The following CSMD1 variants were observed in gnomAD, a reference collection of about 807,000 sequenced individuals.
CSMD1 encodes the protein CUB and Sushi multiple domains 1, also known as CUB and sushi domain-containing protein 1.
In CSMD1, 213 loss-of-function variants were observed where a neutral mutation model predicts 417.5. The observed-to-expected ratio is 0.51, with a 90% CI of 0.46 to 0.57. The LOEUF (loss-of-function observed/expected upper bound fraction) is 0.57. Ranked by LOEUF, CSMD1 falls within the 20% of genes least tolerant of loss-of-function variation. The pLI is 0.00. For synonymous variants in CSMD1, 2,862 were observed against 1,736.8 expected (o/e 1.65, Z -16.11); for missense variants, 6,923 against 4,529.7 (o/e 1.53, Z -15.17).
chr8:3,514,565 G>T (rs189437835), intron 10 of CSMD1, among the ~76,000 whole-genome samples: 2 of 152,208 alleles, frequency 1.3e-5, no homozygotes, highest in East Asian at 3.9e-4. Flanking sequence ...TATAGTTGGG[G>T]GAATATTCCT....
chr8:4,194,319 G>T (rs968451144), intron 3 of CSMD1, among the ~76,000 whole-genome samples: 2 of 152,114 alleles, frequency 1.3e-5, no homozygotes, highest in Admixed American at 1.3e-4. Context: ...TATAGGATGG[G>T]ATTTAGAAGC....
At chr8:3,631,133 T>C (rs1247682379) in intron 7 of CSMD1, among the ~76,000 whole-genome samples, 1 of 152,186 alleles carries the variant, frequency 6.6e-6, no homozygotes, top group African/African-American at 2.4e-5. Flanking sequence ...AGATGTCATC[T>C]GCAAAATGGC....
chr8:4,668,695 C>G (rs1006627385), intron 1 of CSMD1, among the ~76,000 whole-genome samples: 1 of 151,894 alleles, frequency 6.6e-6, no homozygotes, highest in African/African-American at 2.4e-5. Context: ...AGTGATCTCC[C>G]CGCGTCAGCC....
At chr8:3,997,347 A>T (rs1230848106) in intron 5 of CSMD1, among the ~76,000 whole-genome samples, 1 of 152,144 alleles carries the variant, frequency 6.6e-6, no homozygotes, top group Non-Finnish European at 1.5e-5. Context: ...TGGGGTACAC[A>T]CCAGAGAACT....
intron 1 of CSMD1, among the ~76,000 whole-genome samples, chr8:4,903,913 G>A (rs1468607612): frequency 6.6e-6 from 1 of 152,326 alleles, no homozygotes; most frequent in Middle Eastern, 3.4e-3. Context: ...TGACATTGAA[G>A]ACTATATTTC....
intron 41 of CSMD1, among the ~76,000 whole-genome samples, chr8:3,141,033 A>C (rs1818406405): frequency 6.6e-6 from 1 of 152,250 alleles, no homozygotes; most frequent in African/African-American, 2.4e-5. Context: ...ACTTACTGCC[A>C]TATGGATCAA....
intron 2 of CSMD1, among the ~76,000 whole-genome samples, chr8:4,441,612 G>T (rs1208303282): frequency 1.3e-5 from 2 of 152,060 alleles, no homozygotes; most frequent in African/African-American, 2.4e-5. Context: ...TAATGCTGAA[G>T]TTCTTCACCA....
At position 3,498,224 on chromosome 8, in the gene CSMD1, T is replaced by G. The variant is rs1047695550; in HGVS notation, c.1345-4498A>C. Among the ~76,000 whole-genome samples, 3 of 152,200 alleles carry G rather than the reference T, an allele frequency of 2.0e-5. No homozygotes were observed. In the East Asian group the frequency reaches 5.8e-4, roughly 29 times the overall value. ...ACTTGACTGTTTTGTCTTGCTGTTT[T>G]TAGACTTCTCTTTGTCTTTGAAGTT... On this transcript the variant is annotated intron_variant, in intron 10 of 69. Transcript: ENST00000635120.
At chr8:3,247,178 G>T (rs1799935721) in intron 26 of CSMD1, among the ~76,000 whole-genome samples, 1 of 152,136 alleles carries the variant, frequency 6.6e-6, no homozygotes, top group Non-Finnish European at 1.5e-5. Flanking sequence ...GCAGAAAGAG[G>T]CTCACAGACC....
chr8:3,969,367 A>C (rs1163525138), intron 5 of CSMD1, among the ~76,000 whole-genome samples: 1 of 152,222 alleles, frequency 6.6e-6, no homozygotes, highest in East Asian at 1.9e-4. Flanking sequence ...CAGAATGCTC[A>C]GAAGCTGAAA....
At chr8:4,040,887 A>C (rs921599970) in intron 3 of CSMD1, among the ~76,000 whole-genome samples, 1 of 152,190 alleles carries the variant, frequency 6.6e-6, no homozygotes, top group Non-Finnish European at 1.5e-5. Context: ...TCACTATGTA[A>C]ATGGCTCTTG....
At chr8:4,195,629 C>G (rs138983741) in intron 3 of CSMD1, among the ~76,000 whole-genome samples, 325 of 152,194 alleles carry the variant, frequency 2.1e-3, no homozygotes, top group African/African-American at 6.6e-3. Flanking sequence ...TGCATCTTGC[C>G]TGGATGGAGT....
chr8:4,032,613 T>A (rs1476762004), intron 3 of CSMD1, among the ~76,000 whole-genome samples: 1 of 152,142 alleles, frequency 6.6e-6, no homozygotes, highest in African/African-American at 2.4e-5. Context: ...GCAATTGAAT[T>A]AAATAATAAA....
chr8:3,284,315 C>T lies in CSMD1; in HGVS notation c.3982G>A (p.Ala1328Thr), dbSNP rs1802975856. The change falls in exon 26 of 70, where the codon GCT becomes ACT. Residue 1328 changes from alanine (A) to threonine (T), a missense_variant. Physicochemically the swap from Ala to Thr is moderately conservative, Grantham distance 58 (BLOSUM62 0). Transcript: ENST00000635120. ...TCCCAGACCTTGAGGATGTCGTGAG[C>T]CATCTCCGTGTCGAAAACAATGAAA... ...LHFIVFDTEM[A>T]HDILKVWDGP... 13 of 1,613,868 alleles carry T rather than the reference C, an allele frequency of 8.1e-6. No individual in the cohort carries two copies. The highest frequency in any genetic ancestry group is 1.1e-5 in the Non-Finnish European group (13 of 1,179,854).
intron 5 of CSMD1, among the ~76,000 whole-genome samples, chr8:3,976,203 C>T (rs1234150375): frequency 6.6e-6 from 1 of 151,752 alleles, no homozygotes; most frequent in Non-Finnish European, 1.5e-5. Flanking sequence ...TTTAAAATGA[C>T]ATATGTACTG....
intron 3 of CSMD1, among the ~76,000 whole-genome samples, chr8:4,085,148 AG>A (rs567694675): frequency 5.6e-4 from 86 of 152,286 alleles, no homozygotes; most frequent in Non-Finnish European, 1.1e-3. Flanking sequence ...CCGGCCTTGA[AG>A]GCGTCACCAT....
At position 4,771,913 on chromosome 8, in the gene CSMD1, G is replaced by T. The variant is rs181057763; in HGVS notation, c.86-134355C>A. ...AGGGAGCCTCCAGAATCTGCCCCTCGGCTGCTACTCTAGCCCATCCCGGGG... is the reference window on the plus strand; with the variant it reads ...AGGGAGCCTCCAGAATCTGCCCCTCTGCTGCTACTCTAGCCCATCCCGGGG... On this transcript the variant is annotated intron_variant, in intron 1 of 69. Transcript: ENST00000635120. 7.2e-5 allele frequency among the ~76,000 whole-genome samples: 11 copies of T among 152,238 alleles called. No individual in the cohort carries two copies. The East Asian group carries it at 9.7e-4, about 13-fold the overall frequency.
chr8:3,411,662 ATATATACGTG>A (rs1812707414), intron 12 of CSMD1, among the ~76,000 whole-genome samples: 1 of 128,422 alleles, frequency 7.8e-6, no homozygotes, highest in Non-Finnish European at 1.7e-5. Flanking sequence ...CATCATATAT[ATATATACGTG>A]TATATATACG....
At chr8:4,658,487 A>T (rs1804380442) in intron 1 of CSMD1, among the ~76,000 whole-genome samples, 1 of 152,148 alleles carries the variant, frequency 6.6e-6, no homozygotes, top group Non-Finnish European at 1.5e-5. Flanking sequence ...AAACAAAAAC[A>T]AAAACTCTAT....
Sources: gnomAD v4.1 joint callset for allele counts (sites outside exome capture counted in the v4.1 genomes callset) on GRCh38, gnomAD v4.1.1 for gene constraint, MANE v1.5 for transcripts, NCBI Gene and HGNC (gene_info 2026-07-23, HGNC 2026-07-21) for gene names.